Variants in ZNF385B observed in about 807,000 individuals in gnomAD.
ZNF385B encodes zinc finger protein 385B.
In ZNF385B, 23 loss-of-function variants were observed where a neutral mutation model predicts 39.2. The ratio of observed to expected loss-of-function variants is 0.59; its 90% confidence interval spans 0.42 to 0.83. The LOEUF (loss-of-function observed/expected upper bound fraction) is 0.83. ZNF385B is among the 40% of genes least tolerant of loss of function. The pLI is 0.00. For missense variants in ZNF385B, 552 were observed against 598.9 expected (o/e 0.92, Z 0.82); for synonymous variants, 205 against 222.6 (o/e 0.92, Z 0.70).
At chr2:179,510,486 A>G (rs1467876813) in intron 5 of ZNF385B, among the ~76,000 whole-genome samples, 1 of 152,154 alleles carries the variant, frequency 6.6e-6, no homozygotes, top group Admixed American at 6.6e-5. Flanking sequence ...TGACAAACCC[A>G]TTAGGGTAAA....
At chr2:179,710,717 T>G (rs1374582461) in intron 3 of ZNF385B, among the ~76,000 whole-genome samples, 7 of 152,048 alleles carry the variant, frequency 4.6e-5, no homozygotes, top group South Asian at 2.1e-4. Context: ...ACTAAACATC[T>G]CCCCGTCCAC....
At position 179,448,317 on chromosome 2, in the gene ZNF385B, G is replaced by C. The variant is rs139244551; in HGVS notation, c.716-1547C>G. On this transcript the variant is annotated intron_variant, in intron 6 of 9. Transcript: ENST00000410066. ...CTCATCTATAAGGATCCCTCAGATTGAATTTGCAATCTTACAGAACTCATA... is the reference window on the plus strand; with the variant it reads ...CTCATCTATAAGGATCCCTCAGATTCAATTTGCAATCTTACAGAACTCATA... Among the ~76,000 whole-genome samples the C allele has an allele frequency of 3.1e-3, 468 of 152,108 alleles. 3 individuals carry two copies. Among genetic ancestry groups the C allele is most frequent in the Admixed American group, 4.8e-3 (73 of 15,270 alleles).
chr2:179,676,320 C>T (rs774943927), intron 3 of ZNF385B, among the ~76,000 whole-genome samples: 6 of 151,856 alleles, frequency 4.0e-5, no homozygotes, highest in African/African-American at 9.7e-5. Context: ...GATCTCCCGA[C>T]GTCATGATCC....
intron 8 of ZNF385B, 113 bp from the exon 9 acceptor site, chr2:179,445,090 T>C (rs751033754): frequency 4.6e-6 from 4 of 866,216 alleles, no homozygotes; most frequent in Non-Finnish European, 7.7e-6. Flanking sequence ...AGTTCCACGA[T>C]GGTGTGGGTA....
chr2:179,706,557 C>A (rs1280650234), intron 3 of ZNF385B, among the ~76,000 whole-genome samples: 3 of 152,176 alleles, frequency 2.0e-5, no homozygotes, highest in Non-Finnish European at 4.4e-5. Flanking sequence ...TCTGTCTCTG[C>A]CTGCTTTCCA....
At chr2:179,631,161 T>C (rs1157945780) in intron 3 of ZNF385B, among the ~76,000 whole-genome samples, 3 of 152,008 alleles carry the variant, frequency 2.0e-5, no homozygotes, top group Non-Finnish European at 4.4e-5. Context: ...ATTCAGGAAA[T>C]ACAGAGAACA....
At chr2:179,755,841 G>A (rs1702980461) in intron 3 of ZNF385B, among the ~76,000 whole-genome samples, 1 of 152,152 alleles carries the variant, frequency 6.6e-6, no homozygotes, top group Admixed American at 6.5e-5. Context: ...CACGTGAGAT[G>A]GGTCTCCTGA....
rs71029824 is a variant in ZNF385B at position 179,639,249 on chromosome 2, A to AAGG, written c.299-94281_299-94280insCCT. On this transcript the variant is annotated intron_variant, in intron 3 of 9. Coordinates refer to ENST00000410066, the MANE Select transcript of ZNF385B (RefSeq NM_152520.6). ...CTCAAAAAAAAAAAAAAAAAAAAAA[A>AAGG]GGGGGAGAAAGAAAAGAAAAAAATG... Among the ~76,000 whole-genome samples, 35 of 128,698 alleles carry AAGG rather than the reference A, an allele frequency of 2.7e-4. 3 individuals carry two copies. The highest frequency in any genetic ancestry group is 4.4e-4 in the Non-Finnish European group (27 of 61,634). The allele number at this position is 128,698 out of a possible 152,430, so 84.4% of individuals were successfully genotyped here. A position where few individuals can be genotyped will look rare whatever the true frequency, so the allele number is the denominator to read the frequency against.
At chr2:179,677,015 C>T (rs1225854670) in intron 3 of ZNF385B, among the ~76,000 whole-genome samples, 2 of 152,088 alleles carry the variant, frequency 1.3e-5, no homozygotes, top group African/African-American at 2.4e-5. Flanking sequence ...TGTCAGTAAC[C>T]GCTTTAAGAA....
At chr2:179,586,051 C>T (rs1687043400) in intron 3 of ZNF385B, 2 of 152,158 alleles carry the variant, frequency 1.3e-5, no homozygotes, top group Non-Finnish European at 2.9e-5. Context: ...ACTTATATTC[C>T]AGCCATAAAG....
At chr2:179,858,673 G>A (rs73032116) in intron 1 of ZNF385B, among the ~76,000 whole-genome samples, 1,592 of 152,050 alleles carry the variant, frequency 0.01, 28 homozygotes, top group African/African-American at 0.036. Context: ...ATGAAACGGC[G>A]TGGAGGGGTT....
rs545081913 is a variant in ZNF385B at position 179,820,554 on chromosome 2, AT to A, written c.-155+40546del. On this transcript the variant is annotated intron_variant, in intron 1 of 9. Coordinates refer to ENST00000410066, the MANE Select transcript of ZNF385B (RefSeq NM_152520.6). ...TTTATTGGTATTACTTTGTTTCAGGATTTTTTTTCCTCCCAATTGTCTAGAA... is the reference window on the plus strand; with the variant it reads ...TTTATTGGTATTACTTTGTTTCAGGATTTTTTTCCTCCCAATTGTCTAGAA... Among the ~76,000 whole-genome samples, 421 of 151,544 alleles carry A rather than the reference AT, an allele frequency of 2.8e-3. 3 individuals are homozygous for A. Among genetic ancestry groups the A allele is most frequent in the African/African-American group, 9.7e-3 (403 of 41,350 alleles).
intron 3 of ZNF385B, among the ~76,000 whole-genome samples, chr2:179,564,726 T>C (rs1433213596): frequency 6.6e-6 from 1 of 152,144 alleles, no homozygotes; most frequent in Non-Finnish European, 1.5e-5. Context: ...TGGTAGAATA[T>C]AATCCCATTT....
At chr2:179,524,194 C>T (rs2058709156) in intron 4 of ZNF385B, among the ~76,000 whole-genome samples, 1 of 152,084 alleles carries the variant, frequency 6.6e-6, no homozygotes, top group Non-Finnish European at 1.5e-5. Context: ...TATTACTTAT[C>T]CAGTATAGTA....
chr2:179,543,740 A>T (rs897794293), intron 4 of ZNF385B, among the ~76,000 whole-genome samples: 2 of 151,984 alleles, frequency 1.3e-5, no homozygotes, highest in South Asian at 4.1e-4. Context: ...TTTACTCACT[A>T]CATCAAGGCC....
chr2:179,589,395 G>A (rs1402704893), intron 3 of ZNF385B, among the ~76,000 whole-genome samples: 1 of 152,154 alleles, frequency 6.6e-6, no homozygotes, highest in African/African-American at 2.4e-5. Flanking sequence ...GGGATGCCCA[G>A]ACACATGTAT....
At chr2:179,590,004 G>A (rs1687416824) in intron 3 of ZNF385B, among the ~76,000 whole-genome samples, 1 of 152,188 alleles carries the variant, frequency 6.6e-6, no homozygotes, top group Non-Finnish European at 1.5e-5. Context: ...GCATGGCATA[G>A]CAGAAAATAC....
chr2:179,765,295 G>A (rs1011171709), intron 3 of ZNF385B, among the ~76,000 whole-genome samples: 10 of 152,094 alleles, frequency 6.6e-5, no homozygotes, highest in Admixed American at 6.5e-4. Flanking sequence ...ACCTGCTAAT[G>A]ATAATTTATG....
intron 4 of ZNF385B, 66 bp from the exon 5 acceptor site, chr2:179,518,704 AAC>A (rs1317000402): frequency 1.0e-6 from 1 of 961,028 alleles, no homozygotes; most frequent in African/African-American, 1.7e-5. Context: ...GTGAGCAAAT[AAC>A]AGTAGTTGAA....
Sources: allele counts gnomAD v4.1 joint callset (sites outside exome capture counted in the v4.1 genomes callset), GRCh38; gene constraint gnomAD v4.1.1; transcripts MANE v1.5; gene names NCBI Gene and HGNC (gene_info 2026-07-23, HGNC 2026-07-21).